COLEC11: variants seen among roughly 807,000 people sequenced by gnomAD.
COLEC11 encodes collectin subfamily member 11, also known as collectin-11.
COLEC11 carries 20 observed loss-of-function variants against 27.3 expected under a neutral mutation model. That is an observed-to-expected ratio of 0.73 (90% CI 0.51 to 1.06). The LOEUF (loss-of-function observed/expected upper bound fraction) is 1.06. Ranked by LOEUF, COLEC11 falls within the 50% of genes least tolerant of loss-of-function variation. The pLI, the probability that COLEC11 is intolerant of heterozygous loss-of-function variation, is 0.00. For missense variants in COLEC11, 310 were observed against 383.0 expected, an observed-to-expected ratio of 0.81 and a Z score of 1.59; for synonymous variants, 163 against 154.7, an observed-to-expected ratio of 1.05 and a Z score of -0.40.
chr2:3,630,129 CTCTATG>C (rs1026237895), intron 3 of COLEC11, among the ~76,000 whole-genome samples: 1 of 51,564 alleles, frequency 1.9e-5, no homozygotes, highest in African/African-American at 8.6e-5. Context: ...GAATGCACAT[CTCTATG>C]TGTATATGCA....
At chr2:3,613,955 GT>G (rs1236637413) in intron 3 of COLEC11, among the ~76,000 whole-genome samples, 2 of 147,496 alleles carry the variant, frequency 1.4e-5, no homozygotes, top group South Asian at 2.1e-4. Flanking sequence ...TTTTTTAAGT[GT>G]TTTTTCTTTT....
rs1367009376 is a variant in COLEC11, at chr2:3,644,512, C to A, written c.*394C>A. ...CTTTTAATTTCTATATGGAAAAGAA[C>A]TCACTTTGACCAACACTTCTGTAAA... On this transcript the variant is annotated 3_prime_UTR_variant, in exon 7 of 7. Coordinates refer to ENST00000349077, the MANE Select transcript of COLEC11 (RefSeq NM_024027.5). 2.1e-6 allele frequency: 1 copy of A among 466,742 alleles called. No homozygotes were observed. The highest frequency in any genetic ancestry group is 6.6e-5 in the East Asian group (1 of 15,242). The allele number at this position is 466,742 out of a possible 1,614,324, so 28.9% of individuals were successfully genotyped here. A position where few individuals can be genotyped will look rare whatever the true frequency, so the allele number is the denominator to read the frequency against.
chr2:3,625,935 C>A, intron 3 of COLEC11: 1 of 1,378,140 alleles, frequency 7.3e-7, no homozygotes, highest in Non-Finnish European at 1.0e-6. Context: ...ACCTGGCAGA[C>A]TTTGCAAAGT....
rs772894762 is a variant in COLEC11, at chr2:3,644,017, G to A, written c.715G>A (p.Glu239Lys). ...CGGTGAGCCCAACAATGCCTACGAC[G>A]AGGAGGACTGCGTGGAGATGGTGGC... Reference protein sequence around the residue: ...RSGEPNNAYDEEDCVEMVASG... With the variant: ...RSGEPNNAYDKEDCVEMVASG... The change falls in exon 7 of 7, where the codon GAG (glutamate) becomes AAG (lysine). Residue 239 changes from glutamate to lysine, a missense_variant. Physicochemically the swap from Glu to Lys is moderately conservative, Grantham distance 56. Transcript: ENST00000349077. The A allele has an allele frequency of 6.8e-6, 11 of 1,613,986 alleles. No homozygotes were observed. The highest frequency in any genetic ancestry group is 1.7e-5 in the Admixed American group (1 of 60,036).
At chr2:3,637,684 C>T in intron 4 of COLEC11, 80 bp downstream of exon 4, 2 of 1,105,796 alleles carry the variant, frequency 1.8e-6, no homozygotes, top group South Asian at 1.2e-5. Context: ...TAATTGTAGC[C>T]TGAATTGTCT....
intron 3 of COLEC11, among the ~76,000 whole-genome samples, chr2:3,620,921 A>C (rs1013684588): frequency 1.4e-4 from 21 of 152,272 alleles, no homozygotes; most frequent in African/African-American, 4.8e-4. Flanking sequence ...AGTCTCCTTG[A>C]ATTTGTTAAG....
intron 3 of COLEC11, among the ~76,000 whole-genome samples, chr2:3,628,071 C>G (rs1664689178): frequency 6.6e-6 from 1 of 152,242 alleles, no homozygotes; most frequent in Non-Finnish European, 1.5e-5. Context: ...GTCTGCAGAT[C>G]CGCTCTCATC....
intron 2 of COLEC11, among the ~76,000 whole-genome samples, 166 bp downstream of exon 2, chr2:3,604,636 ATG>A (rs1384794411): frequency 6.6e-6 from 1 of 152,198 alleles, no homozygotes; most frequent in Non-Finnish European, 1.5e-5. Context: ...GGGTGACATG[ATG>A]TCTAAACTGT....
chr2:3,629,765 G>A (rs55864208), intron 3 of COLEC11, among the ~76,000 whole-genome samples: 20,055 of 152,124 alleles, frequency 0.13, 1,538 homozygotes, highest in East Asian at 0.32. Context: ...GCCAGGCCAC[G>A]GGTCCAGAGA....
chr2:3,629,650 TA>T (rs1664827261), intron 3 of COLEC11, among the ~76,000 whole-genome samples: 1 of 152,152 alleles, frequency 6.6e-6, no homozygotes, highest in South Asian at 2.1e-4. Context: ...TGTGTGTGAA[TA>T]GTATGTATGT....
chr2:3,606,481 C>T (rs972296303), intron 2 of COLEC11, among the ~76,000 whole-genome samples: 3 of 152,190 alleles, frequency 2.0e-5, no homozygotes, highest in Non-Finnish European at 2.9e-5. Flanking sequence ...CCTGTCCTCC[C>T]AAGCCTCGGC....
In COLEC11 at chr2:3,614,513, C is replaced by A. The variant is rs1422607083; in HGVS notation, c.202+1131C>A. Reference sequence around the variant, plus strand: ...CATTGCCCTCGCCCGTACCCCTCATCCTAAGCAAGAGCTGGAACATTCTTT... The same window carrying A: ...CATTGCCCTCGCCCGTACCCCTCATACTAAGCAAGAGCTGGAACATTCTTT... On this transcript the variant is annotated intron_variant, in intron 3 of 6. Transcript: ENST00000349077. Among the ~76,000 whole-genome samples, 3 of 152,264 alleles carry A rather than the reference C, an allele frequency of 2.0e-5. No individual in the cohort carries two copies. In the East Asian group the frequency reaches 5.8e-4, roughly 29 times the overall value.
intron 2 of COLEC11, chr2:3,606,180 C>T (rs930324550): frequency 1.3e-6 from 2 of 1,550,442 alleles, no homozygotes; most frequent in East Asian, 2.4e-5. Context: ...GTGGAGGTCA[C>T]GTCCCTGCCC....
intron 2 of COLEC11, chr2:3,606,175 G>A: frequency 3.9e-6 from 6 of 1,550,504 alleles, no homozygotes; most frequent in Non-Finnish European, 5.2e-6. Context: ...TGGCTGTGGA[G>A]GTCACGTCCC....
intron 2 of COLEC11, chr2:3,605,646 C>T (rs959002296): frequency 6.2e-5 from 12 of 192,612 alleles, no homozygotes; most frequent in Admixed American, 3.4e-4. Context: ...GAATCCGGTC[C>T]GCCCCCTCCT....
intron 3 of COLEC11, among the ~76,000 whole-genome samples, chr2:3,631,418 T>C (rs1664989681): frequency 6.6e-6 from 1 of 152,184 alleles, no homozygotes; most frequent in South Asian, 2.1e-4. Flanking sequence ...TCAGGGTGTT[T>C]AGACAAAGTT....
At chr2:3,619,514 TCTA>T (rs1664027989) in intron 3 of COLEC11, among the ~76,000 whole-genome samples, 1 of 152,248 alleles carries the variant, frequency 6.6e-6, no homozygotes, top group Non-Finnish European at 1.5e-5. Context: ...TCTTTCAGCA[TCTA>T]CTGATGATAA....
At chr2:3,615,712 C>T (rs1277958956) in intron 3 of COLEC11, among the ~76,000 whole-genome samples, 4 of 149,254 alleles carry the variant, frequency 2.7e-5, no homozygotes, top group Non-Finnish European at 4.5e-5. Context: ...CAGAAGGGGG[C>T]GGCTGGGCAG....
At chr2:3,623,399 T>C (rs1664312767) in intron 3 of COLEC11, among the ~76,000 whole-genome samples, 1 of 152,182 alleles carries the variant, frequency 6.6e-6, no homozygotes, top group Non-Finnish European at 1.5e-5. Context: ...CTCTCTATAT[T>C]CTCCTAATAC....
Sources: gnomAD v4.1 joint callset for allele counts (sites outside exome capture counted in the v4.1 genomes callset) on GRCh38, gnomAD v4.1.1 for gene constraint, MANE v1.5 for transcripts, NCBI Gene and HGNC (gene_info 2026-07-23, HGNC 2026-07-21) for gene names.